ARSD: variants seen among roughly 807,000 people sequenced by gnomAD.
The protein encoded by ARSD is arylsulfatase D.
In ARSD, 21 loss-of-function variants were observed where a neutral mutation model predicts 32.6. That is an observed-to-expected ratio of 0.64 (90% CI 0.46 to 0.93). ARSD has a LOEUF of 0.93. ARSD is among the 40% of genes least tolerant of loss of function. The pLI is 0.00. For synonymous variants in ARSD, 224 were observed against 237.4 expected (o/e 0.94, Z 0.52); for missense variants, 454 against 520.9 (o/e 0.87, Z 1.25).
rs1471131698 is a variant in ARSD at position 2,911,746 on chromosome X, T to TG, written c.1001-954dup. The stretch of plus-strand genomic sequence containing the variant: ...AAGGTCAGGCCATGTTGGAAAGTAG[T>TG]GGGGGCGGGGGGAGTGGTGGACATG... On this transcript the variant is annotated intron_variant, in intron 6 of 9. Coordinates refer to ENST00000381154, the MANE Select transcript of ARSD (RefSeq NM_001669.4). Among the ~76,000 whole-genome samples the TG allele has an allele frequency of 3.5e-4, 35 of 100,343 alleles. 1 individual carries two copies. The highest frequency in any genetic ancestry group is 1.3e-3 in the African/African-American group (34 of 27,006). The allele number at this position is 100,343 out of a possible 115,157, so 87.1% of individuals were successfully genotyped here.
chrX:2,920,515 C>A (rs112103082), intron 4 of ARSD, 86 bp downstream of exon 4: 1 of 1,175,463 alleles, frequency 8.5e-7, no homozygotes, highest in Non-Finnish European at 1.2e-6. Flanking sequence ...GGACTACAGG[C>A]GTGCGCCACC....
intron 6 of ARSD, among the ~76,000 whole-genome samples, chrX:2,912,725 G>A (rs1224404147): frequency 1.8e-5 from 2 of 111,518 alleles, no homozygotes; most frequent in East Asian, 5.6e-4. Context: ...GAAATGGTGA[G>A]ACTCAGTGAT....
intron 6 of ARSD, chrX:2,913,404 C>T: frequency 3.9e-6 from 2 of 512,060 alleles, no homozygotes; most frequent in Non-Finnish European, 4.8e-6. Flanking sequence ...CCCGTTATGG[C>T]ATGAACCAGT....
chrX:2,917,634 C>G (rs1329533255), intron 5 of ARSD, among the ~76,000 whole-genome samples, 170 bp downstream of exon 5: 1 of 110,189 alleles, frequency 9.1e-6, no homozygotes, highest in Non-Finnish European at 1.9e-5. Flanking sequence ...CCACTATGCC[C>G]GGCTAATGAT....
rs1603460907 is a variant in ARSD at position 2,904,886 on chromosome X, A to G, written c.*2385T>C. 4.0e-6 allele frequency: 1 copy of G among 247,485 alleles called. No individual in the cohort carries two copies. Among genetic ancestry groups the G allele is most frequent in the Non-Finnish European group, 7.5e-6 (1 of 133,896 alleles). 20.4% of individuals were successfully genotyped at this position (247,485 alleles called of 1,213,427 possible). ...TAGCTGCCTCCACTCCCCGTGTCCC[A>G]TGCTCCATAGATGTTTCTTTTTTTT... is the stretch of plus-strand genomic sequence containing the variant. On this transcript the variant is annotated 3_prime_UTR_variant, in exon 10 of 10. Transcript: ENST00000381154.
chrX:2,913,771 A>C, intron 6 of ARSD: 4,244 of 871,741 alleles, frequency 4.9e-3, no homozygotes, highest in Non-Finnish European at 5.7e-3. Context: ...CCCAAATCTC[A>C]TGTGGAATTG....
rs1399613663 is a variant in ARSD, at chrX:2,917,957, C to A, written c.710G>T (p.Gly237Val). Residue 237 changes from glycine to valine, a missense_variant, in exon 5 of 10, where the codon GGC becomes GTC. This residue lies in a region of ARSD where 271 missense variants were observed against 301.0 expected (regional missense o/e 0.90). Transcript: ENST00000381154. ...GTACCAAGAGATGAAAAACAGGCAG[C>A]CCACGCCGGCCATGCCGGTGACTGC... Reference protein sequence around the residue: ...ARAVTGMAGVGCLFFISWYSS... With the variant: ...ARAVTGMAGVVCLFFISWYSS... The A allele has an allele frequency of 8.3e-7, 1 of 1,210,756 alleles. No individual in the cohort carries two copies. Among genetic ancestry groups the A allele is most frequent in the African/African-American group, 1.7e-5 (1 of 57,636 alleles).
In ARSD at chrX:2,918,821, A is replaced by G. The variant is rs1369349348; in HGVS notation, c.440-594T>C. ...AATAAATCCACCCTCAGAGTAGGAG[A>G]CACACAGACTTCTACAGTATAAAGC... On this transcript the variant is annotated intron_variant, in intron 4 of 9. Transcript: ENST00000381154. Among the ~76,000 whole-genome samples, 5 of 112,100 alleles carry G rather than the reference A, an allele frequency of 4.5e-5. No homozygotes were observed. The South Asian group carries it at 1.1e-3, about 25-fold the overall frequency.
rs753363971 is a variant in ARSD, at chrX:2,909,797, G to T, written c.1298+20C>A. 8.8e-7 allele frequency: 1 copy of T among 1,136,017 alleles called. No homozygotes were observed. The highest frequency in any genetic ancestry group is 3.2e-5 in the East Asian group (1 of 31,070). The allele number at this position is 1,136,017 out of a possible 1,213,427, so 93.6% of individuals were successfully genotyped here. On this transcript the variant is annotated intron_variant, in intron 8 of 9. Transcript: ENST00000381154. Reference sequence around the variant, plus strand: ...ACAATTAAAAAAAATCAGGGAACAGGCAGCCTTATCTCCACGTACCTGTCC... The same window carrying T: ...ACAATTAAAAAAAATCAGGGAACAGTCAGCCTTATCTCCACGTACCTGTCC...
rs1217843576 is a variant in ARSD, at chrX:2,917,842, C to T, written c.825G>A (p.Ala275=). 2.5e-5 allele frequency: 30 copies of T among 1,209,902 alleles called. No homozygotes were observed. The Admixed American group carries it at 3.7e-4, about 15-fold the overall frequency. The change falls in exon 5 of 10, where the codon GCG becomes GCA. Residue 275 remains alanine (A), a synonymous_variant. Transcript: ENST00000381154. ...AAACAGCTTCCTTTAGCATAAGACT[C>T]GCTGTTTTCTCCAGAACCATGGGTT... The part of the protein sequence containing the change: ...TEQPMVLEKT[A]SLMLKEAVSY...
Position 2,906,258 on chromosome X carries a change from C to G in ARSD, c.*1013G>C, listed in dbSNP as rs2088851533. 1 of 110,096 alleles carries G rather than the reference C, an allele frequency of 9.1e-6. No individual in the cohort carries two copies. The highest frequency in any genetic ancestry group is 1.9e-5 in the Non-Finnish European group (1 of 52,857). The allele number at this position is 110,096 out of a possible 1,213,427, so 9.1% of individuals were successfully genotyped here. On this transcript the variant is annotated 3_prime_UTR_variant, in exon 10 of 10. Transcript: ENST00000381154. Reference sequence around the variant, plus strand: ...GCTCAAATAATCCTCCCGCCTCAGCCTCCTAAGTAGCTGAGACTACAGCTG... The same window carrying G: ...GCTCAAATAATCCTCCCGCCTCAGCGTCCTAAGTAGCTGAGACTACAGCTG...
chrX:2,927,553 A>C (rs1424762973), intron 1 of ARSD, among the ~76,000 whole-genome samples: 1 of 112,009 alleles, frequency 8.9e-6, no homozygotes, highest in Admixed American at 9.5e-5. Flanking sequence ...TCGGCCTCCC[A>C]AAGTGCTGGG....
rs752250463 is a variant in ARSD at position 2,929,305 on chromosome X, T to G, written c.-30A>C. ...GAGCGCTGGCCCAGAGCGCAGGACCTTGCCCTGCGCACTCCGCGCCCGGGC... is the reference window on the plus strand; with the variant it reads ...GAGCGCTGGCCCAGAGCGCAGGACCGTGCCCTGCGCACTCCGCGCCCGGGC... On this transcript the variant is annotated 5_prime_UTR_variant, in exon 1 of 10. Transcript: ENST00000381154. 2 of 959,961 alleles carry G rather than the reference T, an allele frequency of 2.1e-6. No individual in the cohort carries two copies. Among genetic ancestry groups the G allele is most frequent in the South Asian group, 4.4e-5 (1 of 22,536 alleles). The allele number at this position is 959,961 out of a possible 1,213,427, so 79.1% of individuals were successfully genotyped here.
At chrX:2,928,242 GC>G (rs1232348324) in intron 1 of ARSD, among the ~76,000 whole-genome samples, 2 of 105,274 alleles carry the variant, frequency 1.9e-5, no homozygotes, top group African/African-American at 7.0e-5. Flanking sequence ...CCGGGGGATG[GC>G]CAGAGGGAAG....
chrX:2,910,856 G>C, intron 6 of ARSD, 63 bp from the exon 7 acceptor site: 1 of 1,139,229 alleles, frequency 8.8e-7, no homozygotes, highest in Non-Finnish European at 1.2e-6. Flanking sequence ...AGTTCAATGC[G>C]CTTCTTCCTT....
chrX:2,907,965 A>C, intron 9 of ARSD: 1 of 841,529 alleles, frequency 1.2e-6, no homozygotes, highest in African/African-American at 2.1e-5. Flanking sequence ...GAAACTGTTC[A>C]GCGTCGATCT....
In ARSD at chrX:2,908,231, T is replaced by TTATC. The variant is rs201024911; in HGVS notation, c.1420+486_1420+489dup. 3.5e-4 allele frequency among the ~76,000 whole-genome samples: 38 copies of TTATC among 110,085 alleles called. 1 individual carries two copies. In the South Asian group the frequency reaches 4.6e-3, roughly 13 times the overall value. ...TCCATCCATGAACTGATTCTACTTT[T>TTATC]TATCTATCTATCTATCTATCATCTA... is the stretch of plus-strand genomic sequence containing the variant. On this transcript the variant is annotated intron_variant, in intron 9 of 9. Transcript: ENST00000381154.
chrX:2,913,038 C>G (rs1250285341), intron 6 of ARSD, among the ~76,000 whole-genome samples: 1 of 112,150 alleles, frequency 8.9e-6, no homozygotes, highest in Non-Finnish European at 1.9e-5. Flanking sequence ...TCAGGAGGCC[C>G]TGATGACATG....
At chrX:2,926,971 G>A (rs1037439616) in intron 1 of ARSD, among the ~76,000 whole-genome samples, 1 of 107,607 alleles carries the variant, frequency 9.3e-6, no homozygotes, top group Non-Finnish European at 1.9e-5. Context: ...TGTGCTCTCC[G>A]GGGAGGACGC....
Sources: allele counts gnomAD v4.1 joint callset (sites outside exome capture counted in the v4.1 genomes callset), GRCh38; gene constraint gnomAD v4.1.1; regional missense constraint gnomAD v4.1.1; transcripts MANE v1.5; gene names NCBI Gene and HGNC (gene_info 2026-07-23, HGNC 2026-07-21).